MDN1: variants seen among roughly 807,000 people sequenced by gnomAD.
MDN1 encodes midasin.
Under a neutral mutation model 669.2 loss-of-function variants are expected in MDN1, and 266 were observed. That is an observed-to-expected ratio of 0.40 (90% CI 0.36 to 0.44). MDN1 has a LOEUF of 0.44. MDN1 is among the 20% of genes least tolerant of loss of function. The pLI is 1.00. For missense variants in MDN1, 5,940 were observed against 6,754.0 expected, an observed-to-expected ratio of 0.88 and a Z score of 4.22; for synonymous variants, 2,385 against 2,457.1, an observed-to-expected ratio of 0.97 and a Z score of 0.87.
intron 1 of MDN1, among the ~76,000 whole-genome samples, chr6:89,806,583 T>G (rs1298730652): frequency 6.6e-6 from 1 of 151,936 alleles, no homozygotes; most frequent in Non-Finnish European, 1.5e-5. Context: ...CCAGGTGTGC[T>G]GGTGTGTGTC....
At chr6:89,791,494 C>A (rs1421172493) in intron 5 of MDN1, among the ~76,000 whole-genome samples, 1 of 151,982 alleles carries the variant, frequency 6.6e-6, no homozygotes, top group Non-Finnish European at 1.5e-5. Flanking sequence ...GGTAGTCATG[C>A]AGAAATATAA....
intron 1 of MDN1, among the ~76,000 whole-genome samples, chr6:89,815,691 A>C (rs1378257697): frequency 2.0e-5 from 3 of 152,096 alleles, no homozygotes; most frequent in African/African-American, 7.2e-5. Context: ...CGTATACTTG[A>C]CCTTGAGCCT....
chr6:89,661,392 G>C (rs1363514531), intron 88 of MDN1, 39 bp downstream of exon 88: 1 of 1,592,660 alleles, frequency 6.3e-7, no homozygotes, highest in South Asian at 1.1e-5. Context: ...GTTCACTAAT[G>C]TGAGTTCTAA....
intron 33 of MDN1, among the ~76,000 whole-genome samples, chr6:89,735,939 G>C (rs191819404): frequency 1.2e-4 from 19 of 152,272 alleles, no homozygotes; most frequent in Admixed American, 6.5e-4. Context: ...AGAATTGCTT[G>C]AACCCAGGAA....
intron 53 of MDN1, among the ~76,000 whole-genome samples, chr6:89,705,686 G>A (rs1813467290): frequency 6.6e-6 from 1 of 152,108 alleles, no homozygotes; most frequent in African/African-American, 2.4e-5. Context: ...AAATACAACT[G>A]ATCCACAGTA....
At chr6:89,742,468 A>G (rs573624817) in intron 31 of MDN1, among the ~76,000 whole-genome samples, 2 of 152,208 alleles carry the variant, frequency 1.3e-5, no homozygotes, top group African/African-American at 4.8e-5. Flanking sequence ...TGAGTAATAA[A>G]CTCCTGTCCT....
chr6:89,798,022 T>C (rs1339632379), intron 2 of MDN1: 1 of 151,948 alleles, frequency 6.6e-6, no homozygotes, highest in Non-Finnish European at 1.4e-5. Flanking sequence ...CTACTAAAAA[T>C]ACAAAAAAAA....
chr6:89,732,534 C>A, intron 34 of MDN1, 23 bp downstream of exon 34: 1 of 1,610,062 alleles, frequency 6.2e-7, no homozygotes, highest in Non-Finnish European at 8.5e-7. Flanking sequence ...CCCCTTGTCC[C>A]CACCAGCTAC....
At position 89,710,688 on chromosome 6, in the gene MDN1, A is replaced by C. The variant is rs1302971319; in HGVS notation, c.7758T>G (p.Asn2586Lys). ...VSNVFKILQP[N>K]TTDEFVIPLD... ...GAAATCAAAAGTGCATACCTGTTGT[A>C]TTTGGTTGTAATATTTTGAAAACAT... The change falls in exon 50 of 102, where the codon AAT becomes AAG. Residue 2586 changes from asparagine (N) to lysine (K), a missense_variant. This residue lies in a region of MDN1 where 2,292 missense variants were observed against 2,638.3 expected (regional missense o/e 0.87). Coordinates refer to ENST00000369393, the MANE Select transcript of MDN1 (RefSeq NM_014611.3). The C allele has an allele frequency of 6.4e-7, 1 of 1,567,742 alleles. No homozygotes were observed. The highest frequency in any genetic ancestry group is 1.9e-5 in the Admixed American group (1 of 52,612).
chr6:89,719,626 A>G (rs1814675519), intron 40 of MDN1, among the ~76,000 whole-genome samples: 1 of 152,084 alleles, frequency 6.6e-6, no homozygotes, highest in South Asian at 2.1e-4. Context: ...TTCATTAACC[A>G]CCTCCTATGT....
In MDN1 at chr6:89,658,304, G is replaced by T; in HGVS notation, c.15088C>A (p.His5030Asn). The T allele has an allele frequency of 6.2e-7, 1 of 1,614,142 alleles. No individual in the cohort carries two copies. The highest frequency in any genetic ancestry group is 1.1e-5 in the South Asian group (1 of 91,080). The change falls in exon 90 of 102, where the codon CAT becomes AAT. Residue 5030 changes from histidine to asparagine, a missense_variant. Coordinates refer to ENST00000369393, the MANE Select transcript of MDN1 (RefSeq NM_014611.3). Reference sequence around the variant, plus strand: ...ACACCAGTCTGCCCACAGGAGGCATGCTCCTTCCTCTCCAAAGCCTCTGGC... The same window carrying T: ...ACACCAGTCTGCCCACAGGAGGCATTCTCCTTCCTCTCCAAAGCCTCTGGC... ...QVPEALERKEHASCGQTGVEN... is the reference protein window; with the variant it reads ...QVPEALERKENASCGQTGVEN...
In MDN1 at chr6:89,699,708, GT is replaced by G; in HGVS notation, c.8889del (p.Gln2963HisfsTer4). ...ACLRRCSKNQQPQINEEISHL... is the reference protein window; with the variant it reads ...ACLRRCSKNQXPQINEEISHL... ...TGACTTATCTCCTCATTTATCTGGGGTTGTTGATTTTTGCTGCATCTGTTCC... is the reference window on the plus strand; with the variant it reads ...TGACTTATCTCCTCATTTATCTGGGGTGTTGATTTTTGCTGCATCTGTTCC... On this transcript the variant is annotated frameshift_variant, in exon 58 of 102. Coordinates refer to ENST00000369393, the MANE Select transcript of MDN1 (RefSeq NM_014611.3). LOFTEE classifies it high-confidence loss of function. 6.2e-7 allele frequency: 1 copy of G among 1,613,932 alleles called. No individual in the cohort carries two copies. Among genetic ancestry groups the G allele is most frequent in the Non-Finnish European group, 8.5e-7 (1 of 1,179,932 alleles).
chr6:89,652,810 C>T (rs750548109), intron 94 of MDN1, among the ~76,000 whole-genome samples, 182 bp downstream of exon 94: 37 of 152,164 alleles, frequency 2.4e-4, no homozygotes, highest in Admixed American at 7.2e-4. Context: ...AACAGTATCA[C>T]GTGCTTGAAG....
chr6:89,758,429 A>T (rs1214539652), intron 18 of MDN1, 78 bp from the exon 19 acceptor site: 1 of 1,191,826 alleles, frequency 8.4e-7, no homozygotes, highest in African/African-American at 1.5e-5. Context: ...AGCCAGCCTG[A>T]TGCTGGCTGC....
intron 5 of MDN1, among the ~76,000 whole-genome samples, chr6:89,791,678 A>G (rs115488151): frequency 1.6e-3 from 237 of 152,236 alleles, no homozygotes; most frequent in African/African-American, 5.3e-3. Context: ...TTTGTAAGAC[A>G]AAAACATTCT....
chr6:89,645,756 A>C (rs1808452025), intron 100 of MDN1, among the ~76,000 whole-genome samples: 1 of 152,238 alleles, frequency 6.6e-6, no homozygotes, highest in South Asian at 2.1e-4. Flanking sequence ...CCAGCTAAAG[A>C]TTATATAGTA....
intron 52 of MDN1, 112 bp downstream of exon 52, chr6:89,707,249 C>A: frequency 1.4e-6 from 1 of 719,706 alleles, no homozygotes; most frequent in South Asian, 1.7e-5. Flanking sequence ...ATCAGGCCAG[C>A]AGATTAAAAG....
chr6:89,694,228 C>A (rs1432755026), intron 61 of MDN1, 45 bp from the exon 62 acceptor site: 2 of 1,495,690 alleles, frequency 1.3e-6, no homozygotes, highest in African/African-American at 1.4e-5. Flanking sequence ...CCAGCTATGA[C>A]CATGCACATG....
chr6:89,666,455 G>A (rs1810241185), intron 84 of MDN1, among the ~76,000 whole-genome samples: 1 of 151,976 alleles, frequency 6.6e-6, no homozygotes, highest in Non-Finnish European at 1.5e-5. Flanking sequence ...AGTAGAGATG[G>A]AGTTTTACCA....
Sources: gnomAD v4.1 joint callset for allele counts (sites outside exome capture counted in the v4.1 genomes callset) on GRCh38, gnomAD v4.1.1 for gene constraint, gnomAD v4.1.1 regional missense constraint, MANE v1.5 for transcripts, NCBI Gene and HGNC (gene_info 2026-07-23, HGNC 2026-07-21) for gene names.